Variants in RAB35 observed in about 807,000 individuals in gnomAD.
RAB35 encodes the protein ras-related protein Rab-35.
A neutral mutation model predicts 28.9 loss-of-function variants in RAB35; 4 were observed. That is an observed-to-expected ratio of 0.14 (90% CI 0.07 to 0.32). The LOEUF (loss-of-function observed/expected upper bound fraction) is 0.32. Ranked by LOEUF, RAB35 falls within the 10% of genes least tolerant of loss-of-function variation. The pLI is 1.00. For synonymous variants in RAB35, 99 were observed against 105.1 expected (o/e 0.94, Z 0.35); for missense variants, 128 against 274.0 (o/e 0.47, Z 3.76).
chr12:120,109,530 C>T (rs756944192), intron 1 of RAB35, among the ~76,000 whole-genome samples: 4 of 152,098 alleles, frequency 2.6e-5, no homozygotes, highest in Non-Finnish European at 5.9e-5. Context: ...CCACAGCCTC[C>T]AACTCCTAGG....
At chr12:120,105,226 T>C (rs181613184) in intron 2 of RAB35, among the ~76,000 whole-genome samples, 2 of 152,220 alleles carry the variant, frequency 1.3e-5, no homozygotes, top group East Asian at 3.9e-4. Flanking sequence ...GGGAACGACA[T>C]CCCACTCAAA....
At chr12:120,106,268 A>G (rs1354881097) in intron 2 of RAB35, among the ~76,000 whole-genome samples, 1 of 152,226 alleles carries the variant, frequency 6.6e-6, no homozygotes, top group Non-Finnish European at 1.5e-5. Flanking sequence ...TTAATCAGCT[A>G]TCATTCTTAA....
At position 120,097,080 on chromosome 12, in the gene RAB35, C is replaced by T. The variant is rs748868576; in HGVS notation, c.*165G>A. Reference sequence around the variant, plus strand: ...GCTGGTCCAACACCTTCTTGGCACTCGAGGAGGGCGGGGGAGGAAGTGCCG... The same window carrying T: ...GCTGGTCCAACACCTTCTTGGCACTTGAGGAGGGCGGGGGAGGAAGTGCCG... On this transcript the variant is annotated 3_prime_UTR_variant, in exon 6 of 6. Coordinates refer to ENST00000229340, the MANE Select transcript of RAB35 (RefSeq NM_006861.7). The T allele has an allele frequency of 1.5e-5, 24 of 1,551,060 alleles. No individual in the cohort carries two copies. The highest frequency in any genetic ancestry group is 1.8e-5 in the Non-Finnish European group (21 of 1,154,224).
chr12:120,106,872 C>T (rs1015645619), intron 2 of RAB35, among the ~76,000 whole-genome samples: 5 of 151,820 alleles, frequency 3.3e-5, no homozygotes, highest in Admixed American at 6.6e-5. Context: ...CAGGCGTGAG[C>T]CACCGCGCCT....
Position 120,104,380 on chromosome 12 carries a change from G to C in RAB35, c.104-431C>G, listed in dbSNP as rs368374086. Among the ~76,000 whole-genome samples the C allele has an allele frequency of 5.3e-5, 8 of 152,232 alleles. No individual in the cohort carries two copies. In the East Asian group the frequency reaches 5.8e-4, roughly 11 times the overall value. ...AAATTCACTTCCAAACACACAAATA[G>C]GTCATGAGCTGCAGTCTGAAAGCCA... On this transcript the variant is annotated intron_variant, in intron 2 of 5. Transcript: ENST00000229340.
Position 120,096,009 on chromosome 12 carries a change from T to C in RAB35, c.*1236A>G, listed in dbSNP as rs374073600. On this transcript the variant is annotated 3_prime_UTR_variant, in exon 6 of 6. Transcript: ENST00000229340. ...TGACCCTGGTTGTTCTCCAGGGCAC[T>C]GGGGCGTGTCAAAACTGGCCGCCCC... 1.3e-4 allele frequency: 24 copies of C among 183,872 alleles called. No individual in the cohort carries two copies. The highest frequency in any genetic ancestry group is 2.2e-4 in the Non-Finnish European group (19 of 87,262). 11.4% of individuals were successfully genotyped at this position (183,872 alleles called of 1,614,324 possible).
At chr12:120,102,839 G>A (rs1367364582) in intron 3 of RAB35, among the ~76,000 whole-genome samples, 1 of 152,168 alleles carries the variant, frequency 6.6e-6, no homozygotes, top group African/African-American at 2.4e-5. Flanking sequence ...GGAGCTGCTC[G>A]AGAGAGCCAA....
intron 1 of RAB35, among the ~76,000 whole-genome samples, chr12:120,112,571 C>T (rs1594246762): frequency 6.6e-6 from 1 of 152,056 alleles, no homozygotes; most frequent in East Asian, 1.9e-4. Flanking sequence ...GCTGAGACCA[C>T]AGGCGTGCAC....
At position 120,097,032 on chromosome 12, in the gene RAB35, G is replaced by A. The variant is rs1383137653; in HGVS notation, c.*213C>T. 1 of 1,519,926 alleles carries A rather than the reference G, an allele frequency of 6.6e-7. No individual in the cohort carries two copies. Among genetic ancestry groups the A allele is most frequent in the African/African-American group, 1.4e-5 (1 of 72,734 alleles). The allele number at this position is 1,519,926 out of a possible 1,614,324, so 94.2% of individuals were successfully genotyped here. The stretch of plus-strand genomic sequence containing the variant: ...TCCAGGCGCCTTGGCCGGGGAGGAG[G>A]GGGCACCAGTAGGGAAGGGCGGGCT... On this transcript the variant is annotated 3_prime_UTR_variant, in exon 6 of 6. Transcript: ENST00000229340.
rs1383840272 is a variant in RAB35, at chr12:120,099,174, G to A, written c.228-20C>T. The A allele has an allele frequency of 8.7e-6, 14 of 1,613,816 alleles. No individual in the cohort carries two copies. The highest frequency in any genetic ancestry group is 5.3e-5 in the African/African-American group (4 of 74,958). On this transcript the variant is annotated intron_variant, in intron 3 of 5. Transcript: ENST00000229340. Reference sequence around the variant, plus strand: ...TAATACCTGCAGGGCCAGAGTGTGCGGCAGCATGTCAACCCCGACAGGAGT... The same window carrying A: ...TAATACCTGCAGGGCCAGAGTGTGCAGCAGCATGTCAACCCCGACAGGAGT...
rs1265251621 is a variant in RAB35, at chr12:120,097,329, G to T, written c.522C>A (p.Asp174Glu). 1 of 1,613,588 alleles carries T rather than the reference G, an allele frequency of 6.2e-7. No individual in the cohort carries two copies. Among genetic ancestry groups the T allele is most frequent in the African/African-American group, 1.3e-5 (1 of 75,030 alleles). Reference protein sequence around the residue: ...ITELVLRAKKDNLAKQQQQQQ... With the variant: ...ITELVLRAKKENLAKQQQQQQ... Reference sequence around the variant, plus strand: ...GTTGCTGCTGCTGTTTTGCCAGGTTGTCTTTCTTTGCTCGGAGGACCAGCT... The same window carrying T: ...GTTGCTGCTGCTGTTTTGCCAGGTTTTCTTTCTTTGCTCGGAGGACCAGCT... Residue 174 changes from aspartate (D) to glutamate (E), a missense_variant, in exon 6 of 6, where the codon GAC becomes GAA. Transcript: ENST00000229340.
At chr12:120,108,074 G>A (rs1456595441) in intron 2 of RAB35, among the ~76,000 whole-genome samples, 3 of 152,012 alleles carry the variant, frequency 2.0e-5, no homozygotes, top group African/African-American at 4.8e-5. Flanking sequence ...AAAGACACAC[G>A]CTGACCACAG....
chr12:120,108,515 C>T (rs773274512), intron 1 of RAB35, 48 bp from the exon 2 acceptor site: 2 of 1,541,390 alleles, frequency 1.3e-6, no homozygotes, highest in African/African-American at 2.7e-5. Flanking sequence ...GGGTCCCCTC[C>T]CCGCAGCCCC....
chr12:120,096,297 A>G lies in RAB35; in HGVS notation c.*948T>C, dbSNP rs1237250887. 16 of 662,748 alleles carry G rather than the reference A, an allele frequency of 2.4e-5. No individual in the cohort carries two copies. Among genetic ancestry groups the G allele is most frequent in the Non-Finnish European group, 3.5e-5 (16 of 459,812 alleles). 41.1% of individuals were successfully genotyped at this position (662,748 alleles called of 1,614,324 possible). On this transcript the variant is annotated 3_prime_UTR_variant, in exon 6 of 6. Transcript: ENST00000229340. ...AGGAAGCCATTCATTTTTTTCTAAA[A>G]ACAGTGGACACAAGTGGGGTGGCCT...
At chr12:120,104,302 G>A (rs192190797) in intron 2 of RAB35, among the ~76,000 whole-genome samples, 7 of 152,266 alleles carry the variant, frequency 4.6e-5, no homozygotes, top group Admixed American at 6.5e-5. Context: ...TAGACCTACG[G>A]GCACTCTGGG....
In RAB35 at chr12:120,103,160, T is replaced by C. The variant is rs185546639; in HGVS notation, c.227+666A>G. Among the ~76,000 whole-genome samples the C allele has an allele frequency of 2.0e-5, 3 of 152,320 alleles. No individual in the cohort carries two copies. Among genetic ancestry groups the C allele is most frequent in the African/African-American group, 7.2e-5 (3 of 41,582 alleles). On this transcript the variant is annotated intron_variant, in intron 3 of 5. Coordinates refer to ENST00000229340, the MANE Select transcript of RAB35 (RefSeq NM_006861.7). This position sits in a 1 kb window ranked among gnomAD's most constrained non-coding sequence, Gnocchi z 6.1. ...GCTCCAAATCGGCCCCTTCAGACCC[T>C]GCTCTTTCCTAAAACCTGCTCCACT...
intron 3 of RAB35, among the ~76,000 whole-genome samples, chr12:120,100,483 A>G (rs1010793058): frequency 1.3e-5 from 2 of 152,234 alleles, no homozygotes; most frequent in African/African-American, 4.8e-5. Flanking sequence ...GTTCTTCAGC[A>G]TCATCAATGT....
chr12:120,104,975 C>T (rs1480768335), intron 2 of RAB35, among the ~76,000 whole-genome samples: 3 of 152,188 alleles, frequency 2.0e-5, no homozygotes, highest in Non-Finnish European at 4.4e-5. Context: ...GGTGTAATTG[C>T]CCAGTCCAGC....
At chr12:120,112,433 A>ATT (rs139962625) in intron 1 of RAB35, among the ~76,000 whole-genome samples, 1 of 141,782 alleles carries the variant, frequency 7.1e-6, no homozygotes, top group African/African-American at 2.6e-5. Context: ...TGTTCTCGAT[A>ATT]TTTTTTTTTT....
Sources: allele counts gnomAD v4.1 joint callset (sites outside exome capture counted in the v4.1 genomes callset), GRCh38; gene constraint gnomAD v4.1.1; non-coding constraint Gnocchi (gnomAD v3.1); transcripts MANE v1.5; gene names NCBI Gene and HGNC (gene_info 2026-07-23, HGNC 2026-07-21).